The following CD109 variants were observed in gnomAD, a reference collection of about 807,000 sequenced individuals.
CD109 encodes CD109 molecule, also known as CD109 antigen.
In CD109, 149 loss-of-function variants were observed where a neutral mutation model predicts 165.8. The ratio of observed to expected loss-of-function variants is 0.90; its 90% CI spans 0.79 to 1.03. CD109 has a LOEUF of 1.03. Among genes scored for constraint, CD109 ranks in the 50% least tolerant of loss-of-function variants. CD109 has a pLI of 0.00. For synonymous variants in CD109, 585 were observed against 592.1 expected (o/e 0.99, Z 0.18); for missense variants, 1,712 against 1,677.8 (o/e 1.02, Z -0.36).
At position 73,823,649 on chromosome 6, in the gene CD109, C is replaced by A; in HGVS notation, c.*16C>A. 1 of 1,592,124 alleles carries A rather than the reference C, an allele frequency of 6.3e-7. No homozygotes were observed. The highest frequency in any genetic ancestry group is 8.6e-7 in the Non-Finnish European group (1 of 1,164,004). On this transcript the variant is annotated 3_prime_UTR_variant, in exon 33 of 33. Transcript: ENST00000287097. ...TTGGCTGTGATTTATTTTTAAAGGA[C>A]TCTGTGTAACACTAACATTTCCAGT... is the stretch of plus-strand genomic sequence containing the variant.
At chr6:73,753,063 C>G (rs1773251837) in intron 5 of CD109, among the ~76,000 whole-genome samples, 1 of 150,482 alleles carries the variant, frequency 6.6e-6, no homozygotes, top group African/African-American at 2.5e-5. Context: ...GGTTAGCAAA[C>G]CCTGGCAGAA....
At chr6:73,790,858 A>G (rs1774900101) in intron 22 of CD109, among the ~76,000 whole-genome samples, 1 of 152,052 alleles carries the variant, frequency 6.6e-6, no homozygotes, top group South Asian at 2.1e-4. Flanking sequence ...CTCAGAAGCA[A>G]TGCTTAATCT....
rs1002353376 is a variant in CD109 at position 73,714,469 on chromosome 6, C to T, written c.248-8782C>T. On this transcript the variant is annotated intron_variant, in intron 2 of 32. Coordinates refer to ENST00000287097, the MANE Select transcript of CD109 (RefSeq NM_133493.5). ...TGCATTGCAGCCCCACTGCTCTCTC[C>T]CCTAGTGCAGTTTCCCCCTTTCCCT... is the stretch of plus-strand genomic sequence containing the variant. Among the ~76,000 whole-genome samples the T allele has an allele frequency of 5.9e-5, 9 of 152,178 alleles. No homozygotes were observed. In the South Asian group the frequency reaches 6.2e-4, roughly 11 times the overall value.
In CD109 at chr6:73,820,574, T is replaced by C; in HGVS notation, c.4162+11T>C. Reference sequence around the variant, plus strand: ...ATTACTATGAGCCAAGTAAGTATGCTCTGGAGTTCTTAATACTTTAGAAAT... The same window carrying C: ...ATTACTATGAGCCAAGTAAGTATGCCCTGGAGTTCTTAATACTTTAGAAAT... On this transcript the variant is annotated intron_variant, in intron 32 of 32. Transcript: ENST00000287097. 1 of 1,437,838 alleles carries C rather than the reference T, an allele frequency of 7.0e-7. No homozygotes were observed. The highest frequency in any genetic ancestry group is 9.7e-7 in the Non-Finnish European group (1 of 1,033,738). The allele number at this position is 1,437,838 out of a possible 1,614,324, so 89.1% of individuals were successfully genotyped here. A position where few individuals can be genotyped will look rare whatever the true frequency, so the allele number is the denominator to read the frequency against.
At chr6:73,748,959 C>T (rs1003105604) in intron 5 of CD109, among the ~76,000 whole-genome samples, 13 of 152,064 alleles carry the variant, frequency 8.5e-5, no homozygotes, top group Non-Finnish European at 1.8e-4. Flanking sequence ...TTTAAGCTCT[C>T]CCAATTTTAT....
Position 73,736,462 on chromosome 6 carries a change from C to A in CD109, c.587C>A (p.Ser196Tyr), listed in dbSNP as rs868836866. 1.2e-6 allele frequency: 2 copies of A among 1,613,648 alleles called. No individual in the cohort carries two copies. Among genetic ancestry groups the A allele is most frequent in the Non-Finnish European group, 1.7e-6 (2 of 1,179,792 alleles). ...LGVISKTFQL[S>Y]SHPILGDWSI... ...GTCATTTCCAAAACTTTTCAGCTAT[C>A]TTCCCATCCAATACTTGGTGACTGG... The change falls in exon 5 of 33, where the codon TCT becomes TAT. Residue 196 changes from serine to tyrosine, a missense_variant. Physicochemically the swap from Ser to Tyr is moderately radical, Grantham distance 144. Transcript: ENST00000287097.
chr6:73,708,265 T>C (rs1228692397), intron 2 of CD109, among the ~76,000 whole-genome samples: 2 of 152,042 alleles, frequency 1.3e-5, no homozygotes, highest in African/African-American at 4.8e-5. Context: ...TTTTTGTCCT[T>C]GCGATAGTTT....
rs767880549 is a variant in CD109, at chr6:73,759,016, C to T, written c.746C>T (p.Thr249Ile). Residue 249 changes from threonine (T) to isoleucine (I), a missense_variant, in exon 7 of 33, where the codon ACC becomes ATC. Physicochemically the swap from Thr to Ile is moderately conservative, Grantham distance 89 (BLOSUM62 -1). Transcript: ENST00000287097. Reference protein sequence around the residue: ...CSMNSKHLNGTITAKYTYGKP... With the variant: ...CSMNSKHLNGIITAKYTYGKP... Reference sequence around the variant, plus strand: ...ATGAATTCTAAGCATTTAAATGGTACCATCACGGCAAAGTAAGTGTCATTT... The same window carrying T: ...ATGAATTCTAAGCATTTAAATGGTATCATCACGGCAAAGTAAGTGTCATTT... 4 of 1,593,288 alleles carry T rather than the reference C, an allele frequency of 2.5e-6. No individual in the cohort carries two copies. Among genetic ancestry groups the T allele is most frequent in the Non-Finnish European group, 3.4e-6 (4 of 1,162,156 alleles).
chr6:73,740,534 T>A (rs1289687850), intron 5 of CD109, among the ~76,000 whole-genome samples: 1 of 152,062 alleles, frequency 6.6e-6, no homozygotes, highest in Non-Finnish European at 1.5e-5. Context: ...ACCTTCAAGG[T>A]TTTTTATGAT....
rs192075398 is a variant in CD109, at chr6:73,696,925, T to G, written c.75-475T>G. On this transcript the variant is annotated intron_variant, in intron 1 of 32. Transcript: ENST00000287097. ...CAATCAATGGTATTGGTTAAATAAT[T>G]TTTTACCCTCGTTGGGCAGCTACTC... Among the ~76,000 whole-genome samples, 262 of 152,332 alleles carry G rather than the reference T, an allele frequency of 1.7e-3. 2 individuals carry two copies. The highest frequency in any genetic ancestry group is 5.8e-3 in the African/African-American group (240 of 41,570).
intron 29 of CD109, among the ~76,000 whole-genome samples, chr6:73,812,989 A>G (rs1381779857): frequency 6.6e-6 from 1 of 152,152 alleles, no homozygotes; most frequent in Non-Finnish European, 1.5e-5. Context: ...GAGAAAAAGT[A>G]CTTTTTTCAA....
intron 13 of CD109, 73 bp from the exon 14 acceptor site, chr6:73,767,982 A>G: frequency 8.0e-7 from 1 of 1,257,768 alleles, no homozygotes; most frequent in Non-Finnish European, 1.1e-6. Flanking sequence ...GCATACAATT[A>G]TGATTAATGT....
At chr6:73,770,104 A>G (rs1178356176) in intron 14 of CD109, among the ~76,000 whole-genome samples, 4 of 152,108 alleles carry the variant, frequency 2.6e-5, no homozygotes, top group Non-Finnish European at 5.9e-5. Flanking sequence ...TACTGAAGTT[A>G]GGTTTCCACC....
At chr6:73,723,017 T>A in intron 2 of CD109, 1 of 394,328 alleles carries the variant, frequency 2.5e-6, no homozygotes, top group South Asian at 1.0e-4. Context: ...GAACCTAATG[T>A]TTTTTGGGTT....
At chr6:73,781,386 T>A in intron 17 of CD109, 67 bp downstream of exon 17, 1 of 1,289,500 alleles carries the variant, frequency 7.8e-7, no homozygotes, top group South Asian at 1.2e-5. Context: ...CTTATATAGG[T>A]ATGGATATTT....
chr6:73,714,889 A>T (rs1423927495), intron 2 of CD109, among the ~76,000 whole-genome samples: 1 of 152,244 alleles, frequency 6.6e-6, no homozygotes, highest in Non-Finnish European at 1.5e-5. Flanking sequence ...GGAAGTGGTG[A>T]TAGCAACATA....
chr6:73,780,419 CT>C lies in CD109; in HGVS notation c.1828-3del. 1 of 1,561,214 alleles carries C rather than the reference CT, an allele frequency of 6.4e-7. No homozygotes were observed. Among genetic ancestry groups the C allele is most frequent in the Non-Finnish European group, 8.8e-7 (1 of 1,133,064 alleles). Reference sequence around the variant, plus strand: ...TTCATTCCGTATATTTTATCTTCTCCTTAGGTGGTCCATGAGTTGGAACTTT... The same window carrying C: ...TTCATTCCGTATATTTTATCTTCTCCTAGGTGGTCCATGAGTTGGAACTTT... On this transcript the variant is annotated splice_region_variant and splice_polypyrimidine_tract_variant and intron_variant, in intron 15 of 32. Coordinates refer to ENST00000287097, the MANE Select transcript of CD109 (RefSeq NM_133493.5).
At chr6:73,768,854 T>C (rs1773941034) in intron 14 of CD109, among the ~76,000 whole-genome samples, 1 of 152,216 alleles carries the variant, frequency 6.6e-6, no homozygotes, top group East Asian at 1.9e-4. Context: ...GAATGAGCCA[T>C]TGCTGTCACT....
chr6:73,741,591 T>C (rs921215115), intron 5 of CD109, among the ~76,000 whole-genome samples: 3 of 152,248 alleles, frequency 2.0e-5, no homozygotes, highest in African/African-American at 7.2e-5. Context: ...TATAGTTCTC[T>C]AGGTACCTTA....
Sources: gnomAD v4.1 joint callset for allele counts (sites outside exome capture counted in the v4.1 genomes callset) on GRCh38, gnomAD v4.1.1 for gene constraint, MANE v1.5 for transcripts, NCBI Gene and HGNC (gene_info 2026-07-23, HGNC 2026-07-21) for gene names.